AXDND1: variants seen among roughly 807,000 people sequenced by gnomAD.
The protein encoded by AXDND1 is axonemal dynein light chain domain containing 1, also known as axonemal dynein light chain domain-containing protein 1.
AXDND1 carries 110 observed loss-of-function variants against 137.5 expected under a neutral mutation model. The ratio of observed to expected loss-of-function variants is 0.80; its 90% CI spans 0.69 to 0.94. AXDND1 has a LOEUF of 0.94. AXDND1 is among the 40% of genes least tolerant of loss of function. AXDND1 has a pLI of 0.00. For synonymous variants in AXDND1, 414 were observed against 399.7 expected, an observed-to-expected ratio of 1.04 and a Z score of -0.43; for missense variants, 1,191 against 1,169.8, an observed-to-expected ratio of 1.02 and a Z score of -0.26.
intron 20 of AXDND1, among the ~76,000 whole-genome samples, chr1:179,493,571 C>T (rs561833998): frequency 9.2e-5 from 14 of 152,252 alleles, no homozygotes; most frequent in African/African-American, 2.2e-4. Flanking sequence ...TTTAAAGAAA[C>T]GGTCAAACTG....
chr1:179,533,654 G>A, intron 23 of AXDND1, 141 bp from the exon 24 acceptor site: 1 of 487,702 alleles, frequency 2.1e-6, no homozygotes, highest in South Asian at 3.1e-5. Context: ...TGGTATTAAG[G>A]GTGTGCTTAA....
intron 25 of AXDND1, among the ~76,000 whole-genome samples, chr1:179,541,043 C>T (rs1350057018): frequency 6.6e-6 from 1 of 152,172 alleles, no homozygotes; most frequent in Non-Finnish European, 1.5e-5. Context: ...CTCCAGCATC[C>T]CAGTTCTATC....
intron 25 of AXDND1, chr1:179,551,008 C>G (rs924580169): frequency 6.4e-6 from 5 of 785,358 alleles, no homozygotes; most frequent in Non-Finnish European, 1.0e-5. Flanking sequence ...GTCATTACAT[C>G]ATTTCACCGT....
chr1:179,385,470 C>T (rs542756993), intron 9 of AXDND1, 111 bp downstream of exon 9: 90 of 1,219,576 alleles, frequency 7.4e-5, no homozygotes, highest in Admixed American at 3.0e-4. Context: ...TTCTACTGAT[C>T]GTAAGTAATC....
chr1:179,485,241 C>T (rs1665900514), intron 18 of AXDND1, among the ~76,000 whole-genome samples: 1 of 152,210 alleles, frequency 6.6e-6, no homozygotes, highest in Non-Finnish European at 1.5e-5. Context: ...AAGCACGGAT[C>T]CCACTGTCAC....
intron 25 of AXDND1, among the ~76,000 whole-genome samples, chr1:179,535,271 C>T (rs185043759): frequency 7.9e-5 from 12 of 151,682 alleles, no homozygotes; most frequent in Admixed American, 3.9e-4. Flanking sequence ...ATGTGTACAA[C>T]GTGCAGGTTT....
chr1:179,486,139 A>AAAACAAAAAACT (rs149119239), intron 18 of AXDND1, among the ~76,000 whole-genome samples: 21 of 87,794 alleles, frequency 2.4e-4, no homozygotes, highest in African/African-American at 3.0e-4. Context: ...AAAAAAAAAA[A>AAAACAAAAAACT]AACCTGATAG....
intron 1 of AXDND1, 142 bp from the exon 2 acceptor site, chr1:179,366,262 G>T: frequency 3.3e-6 from 1 of 305,098 alleles, no homozygotes; most frequent in Non-Finnish European, 6.2e-6. Context: ...CTTCTTAGTC[G>T]CTACACATAA....
intron 17 of AXDND1, among the ~76,000 whole-genome samples, chr1:179,477,217 C>A (rs1262945926): frequency 6.6e-6 from 1 of 151,824 alleles, no homozygotes. Context: ...TTTTTAATTT[C>A]TATTCTCTTA....
chr1:179,469,074 C>T (rs551886887), intron 17 of AXDND1, among the ~76,000 whole-genome samples: 14 of 152,098 alleles, frequency 9.2e-5, no homozygotes, highest in African/African-American at 2.7e-4. Context: ...GGACTACAGG[C>T]GCCTGCCACC....
chr1:179,459,150 C>T (rs1231644825), intron 16 of AXDND1, among the ~76,000 whole-genome samples: 2 of 152,094 alleles, frequency 1.3e-5, no homozygotes, highest in South Asian at 2.1e-4. Context: ...TTTTTATCAC[C>T]TCAAGAATAC....
chr1:179,533,727 T>G, intron 23 of AXDND1, 68 bp from the exon 24 acceptor site: 1 of 1,221,482 alleles, frequency 8.2e-7, no homozygotes, highest in Non-Finnish European at 1.2e-6. Context: ...ATCCAGAACA[T>G]CCTAAAAAAG....
At chr1:179,467,048 C>T (rs964941553) in intron 16 of AXDND1, among the ~76,000 whole-genome samples, 1 of 152,106 alleles carries the variant, frequency 6.6e-6, no homozygotes, top group African/African-American at 2.4e-5. Context: ...CAATTTTGTC[C>T]ACCACCCGAC....
chr1:179,387,778 GAGTTTTTAC>G (rs1649468181), intron 9 of AXDND1, among the ~76,000 whole-genome samples: 1 of 152,180 alleles, frequency 6.6e-6, no homozygotes, highest in African/African-American at 2.4e-5. Flanking sequence ...CATGAATCAT[GAGTTTTTAC>G]AGTCTGGTTG....
chr1:179,382,789 A>G (rs773361543), intron 7 of AXDND1, 33 bp downstream of exon 7: 1 of 1,507,492 alleles, frequency 6.6e-7, no homozygotes, highest in East Asian at 2.3e-5. Flanking sequence ...AGTCTTTCTC[A>G]GAAAGAATAC....
chr1:179,503,998 A>G lies in AXDND1; in HGVS notation c.2389-5298A>G, dbSNP rs1668288835. Among the ~76,000 whole-genome samples the G allele has an allele frequency of 1.3e-5, 2 of 152,214 alleles. 1 individual carries two copies. Among genetic ancestry groups the G allele is most frequent in the East Asian group, 3.8e-4 (2 of 5,202 alleles). On this transcript the variant is annotated intron_variant, in intron 20 of 25. Coordinates refer to ENST00000367618, the MANE Select transcript of AXDND1 (RefSeq NM_144696.6). ...TAGAGAAAATAAATCTTATGTATTAATATATAGGTGCTAAATCCAAATTTA... is the reference window on the plus strand; with the variant it reads ...TAGAGAAAATAAATCTTATGTATTAGTATATAGGTGCTAAATCCAAATTTA...
Position 179,551,188 on chromosome 1 carries a change from GTCTT to G in AXDND1, c.3032-3318_3032-3315del. 1.2e-6 allele frequency: 2 copies of G among 1,614,096 alleles called. No homozygotes were observed. The highest frequency in any genetic ancestry group is 1.7e-6 in the Non-Finnish European group (2 of 1,179,996). ...CCCATCCTTCCTATAACATGGGAGA[GTCTT>G]TCTTTTTAGGATTTAGTGGCTCAAC... On this transcript the variant is annotated intron_variant, in intron 25 of 25. Coordinates refer to ENST00000367618, the MANE Select transcript of AXDND1 (RefSeq NM_144696.6).
chr1:179,370,168 A>T, intron 4 of AXDND1, 90 bp downstream of exon 4: 1 of 969,800 alleles, frequency 1.0e-6, no homozygotes. Context: ...GAATTAGAAA[A>T]ATCACTGAAT....
chr1:179,496,007 A>G (rs1427917021), intron 20 of AXDND1, among the ~76,000 whole-genome samples: 1 of 151,056 alleles, frequency 6.6e-6, no homozygotes. Flanking sequence ...AATATGGTGA[A>G]TTACATTTAT....
Sources: allele counts gnomAD v4.1 joint callset (sites outside exome capture counted in the v4.1 genomes callset), GRCh38; gene constraint gnomAD v4.1.1; transcripts MANE v1.5; gene names NCBI Gene and HGNC (gene_info 2026-07-23, HGNC 2026-07-21).